Variants in CSMD1 observed in about 807,000 individuals in gnomAD.
The protein encoded by CSMD1 is CUB and Sushi multiple domains 1.
In CSMD1, 213 loss-of-function variants were observed where a neutral mutation model predicts 417.5. That is an observed-to-expected ratio of 0.51 (90% CI 0.46 to 0.57). The LOEUF is 0.57. Among genes scored for constraint, CSMD1 ranks in the 20% least tolerant of loss-of-function variants. The pLI is 0.00. For synonymous variants in CSMD1, 2,862 were observed against 1,736.8 expected (o/e 1.65, Z -16.11); for missense variants, 6,923 against 4,529.7 (o/e 1.53, Z -15.17).
intron 3 of CSMD1, among the ~76,000 whole-genome samples, chr8:4,313,507 G>A (rs200026792): frequency 6.1e-4 from 83 of 136,758 alleles, no homozygotes; most frequent in Non-Finnish European, 5.1e-4. Flanking sequence ...ATGTCAAAAT[G>A]AAAAAAAAAA....
chr8:4,006,660 G>A (rs1323303325), intron 4 of CSMD1, among the ~76,000 whole-genome samples: 1 of 152,098 alleles, frequency 6.6e-6, no homozygotes, highest in Non-Finnish European at 1.5e-5. Flanking sequence ...ACTTGTTTAT[G>A]TCCTTTTCCT....
chr8:3,604,241 G>A (rs753536443), intron 8 of CSMD1, among the ~76,000 whole-genome samples: 8 of 152,088 alleles, frequency 5.3e-5, no homozygotes, highest in Non-Finnish European at 8.8e-5. Context: ...GCATAGACGT[G>A]CATAGAATTT....
intron 6 of CSMD1, among the ~76,000 whole-genome samples, chr8:3,718,413 T>C (rs962893341): frequency 6.6e-6 from 1 of 152,204 alleles, no homozygotes; most frequent in Non-Finnish European, 1.5e-5. Flanking sequence ...GTCAGTGTCC[T>C]TTCCTTGGTC....
At chr8:3,975,119 T>C (rs1813343394) in intron 5 of CSMD1, among the ~76,000 whole-genome samples, 1 of 152,200 alleles carries the variant, frequency 6.6e-6, no homozygotes, top group African/African-American at 2.4e-5. Context: ...TGAAAACCAC[T>C]ATGCATGTTT....
chr8:3,084,342 G>C (rs1028692292), intron 49 of CSMD1, among the ~76,000 whole-genome samples: 3 of 151,658 alleles, frequency 2.0e-5, no homozygotes, highest in African/African-American at 7.3e-5. Flanking sequence ...CGAGCAACAT[G>C]GTGAAACTCC....
intron 7 of CSMD1, among the ~76,000 whole-genome samples, chr8:3,675,979 G>T (rs1249861545): frequency 6.6e-6 from 1 of 152,092 alleles, no homozygotes; most frequent in Non-Finnish European, 1.5e-5. Context: ...CATCTTCCCA[G>T]TCAGAGACTC....
intron 18 of CSMD1, among the ~76,000 whole-genome samples, chr8:3,384,343 G>C (rs1319084351): frequency 1.3e-5 from 2 of 151,834 alleles, no homozygotes; most frequent in Non-Finnish European, 2.9e-5. Context: ...CATCCAATTT[G>C]AGCAACACTA....
chr8:4,251,293 T>G (rs909538577), intron 3 of CSMD1, among the ~76,000 whole-genome samples: 1 of 152,166 alleles, frequency 6.6e-6, no homozygotes, highest in Non-Finnish European at 1.5e-5. Context: ...TGTTAAAAAG[T>G]ACTGTATTAC....
chr8:4,252,696 C>G (rs1461601942), intron 3 of CSMD1, among the ~76,000 whole-genome samples: 2 of 152,192 alleles, frequency 1.3e-5, no homozygotes, highest in African/African-American at 4.8e-5. Flanking sequence ...GAAATGCTAA[C>G]AATATCTCAT....
At chr8:4,048,302 G>C (rs1203954251) in intron 3 of CSMD1, among the ~76,000 whole-genome samples, 1 of 152,148 alleles carries the variant, frequency 6.6e-6, no homozygotes, top group Non-Finnish European at 1.5e-5. Flanking sequence ...GATTGAGCTG[G>C]TTACACAAAG....
chr8:3,935,481 T>C (rs760942025), intron 5 of CSMD1, among the ~76,000 whole-genome samples: 2 of 152,214 alleles, frequency 1.3e-5, no homozygotes, highest in Non-Finnish European at 2.9e-5. Context: ...GGTGTCATTA[T>C]TCCAATTGCA....
chr8:4,748,751 G>A (rs1024595129), intron 1 of CSMD1, among the ~76,000 whole-genome samples: 1 of 152,216 alleles, frequency 6.6e-6, no homozygotes, highest in South Asian at 2.1e-4. Flanking sequence ...CATTTTTACA[G>A]ACTTAATTAC....
intron 5 of CSMD1, among the ~76,000 whole-genome samples, chr8:3,837,789 A>C (rs923907761): frequency 1.3e-5 from 2 of 152,216 alleles, no homozygotes; most frequent in Admixed American, 1.3e-4. Flanking sequence ...CTCAGACTGC[A>C]CTATCCACTG....
intron 1 of CSMD1, among the ~76,000 whole-genome samples, chr8:4,771,322 C>G (rs1453211186): frequency 6.6e-6 from 1 of 152,206 alleles, no homozygotes; most frequent in Non-Finnish European, 1.5e-5. Context: ...TTTCTCCCAG[C>G]TGACAATAAA....
chr8:3,090,930 T>C (rs1049645959), intron 48 of CSMD1, among the ~76,000 whole-genome samples: 1 of 152,188 alleles, frequency 6.6e-6, no homozygotes, highest in African/African-American at 2.4e-5. Context: ...TTGTTACTAA[T>C]TGATTTAGTT....
chr8:4,255,216 G>A (rs753047427), intron 3 of CSMD1, among the ~76,000 whole-genome samples: 7 of 152,094 alleles, frequency 4.6e-5, no homozygotes, highest in Non-Finnish European at 7.4e-5. Flanking sequence ...TATAAGCAGC[G>A]CATGCAGTCC....
intron 59 of CSMD1, among the ~76,000 whole-genome samples, chr8:2,963,823 A>G (rs1353622249): frequency 2.0e-5 from 3 of 152,210 alleles, no homozygotes; most frequent in Non-Finnish European, 4.4e-5. Flanking sequence ...AAGATGGCAT[A>G]TAGTTTCCAA....
chr8:4,521,650 G>A (rs1200872632), intron 2 of CSMD1, among the ~76,000 whole-genome samples: 2 of 152,132 alleles, frequency 1.3e-5, no homozygotes, highest in African/African-American at 2.4e-5. Flanking sequence ...GAAAAAGGTG[G>A]CCCTCAGGTC....
intron 1 of CSMD1, among the ~76,000 whole-genome samples, chr8:4,968,455 C>A (rs1315333253): frequency 6.6e-6 from 1 of 152,096 alleles, no homozygotes; most frequent in Non-Finnish European, 1.5e-5. Context: ...AGCCATTTAA[C>A]TGCAAAGACC....
Sources: allele counts gnomAD v4.1 joint callset (sites outside exome capture counted in the v4.1 genomes callset), GRCh38; gene constraint gnomAD v4.1.1; transcripts MANE v1.5; gene names NCBI Gene and HGNC (gene_info 2026-07-23, HGNC 2026-07-21).